The following HMGCLL1 variants were observed in gnomAD, a reference collection of about 807,000 sequenced individuals.
The protein encoded by HMGCLL1 is 3-hydroxy-3-methylglutaryl-CoA lyase like 1.
HMGCLL1 carries 36 observed loss-of-function variants against 39.1 expected under a neutral mutation model. That is an observed-to-expected ratio of 0.92 (90% CI 0.71 to 1.22). The LOEUF (loss-of-function observed/expected upper bound fraction) is 1.22. Ranked by LOEUF, HMGCLL1 falls within the 50% of genes most tolerant of loss-of-function variation. The pLI, the probability that HMGCLL1 is intolerant of heterozygous loss-of-function variation, is 0.00. For missense variants in HMGCLL1, 451 were observed against 416.5 expected (o/e 1.08, Z -0.72); for synonymous variants, 149 against 144.0 (o/e 1.03, Z -0.25).
the HMGCLL1 span, among the ~76,000 whole-genome samples, chr6:55,599,813 A>G: frequency 6.6e-6 from 1 of 152,160 alleles, no homozygotes; most frequent in Non-Finnish European, 1.5e-5. Context: ...CTTAGTGAAA[A>G]CAAATGTACT....
At chr6:55,527,637 A>G (rs1768393520) in intron 3 of HMGCLL1, among the ~76,000 whole-genome samples, 1 of 152,076 alleles carries the variant, frequency 6.6e-6, no homozygotes. Context: ...GATGACACTG[A>G]TAAGACCTCT....
chr6:55,564,372 T>C (rs1313522936), intron 1 of HMGCLL1, among the ~76,000 whole-genome samples: 1 of 152,148 alleles, frequency 6.6e-6, no homozygotes, highest in African/African-American at 2.4e-5. Flanking sequence ...CAGCATCTTT[T>C]AGGTGACTGA....
chr6:55,587,452 C>A, the HMGCLL1 span, among the ~76,000 whole-genome samples: 1 of 151,914 alleles, frequency 6.6e-6, no homozygotes, highest in African/African-American at 2.4e-5. Context: ...GGAAAATATG[C>A]CAAATTGTAA....
chr6:55,457,126 G>C (rs1295204216), intron 7 of HMGCLL1, among the ~76,000 whole-genome samples: 3 of 152,194 alleles, frequency 2.0e-5, no homozygotes, highest in African/African-American at 7.2e-5. Context: ...ACTGATCCCA[G>C]AAAAATGTAA....
the HMGCLL1 span, among the ~76,000 whole-genome samples, chr6:55,628,321 A>G: frequency 1.4e-5 from 2 of 145,538 alleles, no homozygotes; most frequent in Non-Finnish European, 3.0e-5. Flanking sequence ...TATTTTTTTG[A>G]GACAGAGTCT....
chr6:55,638,249 T>C, the HMGCLL1 span, among the ~76,000 whole-genome samples: 3 of 151,606 alleles, frequency 2.0e-5, no homozygotes, highest in Non-Finnish European at 4.4e-5. Flanking sequence ...CTACTAAAAA[T>C]ACAAAAAATT....
In HMGCLL1 at chr6:55,579,171, G is replaced by A. The variant is rs768802097; in HGVS notation, c.-116C>T. 1 of 774,920 alleles carries A rather than the reference G, an allele frequency of 1.3e-6. No individual in the cohort carries two copies. Among genetic ancestry groups the A allele is most frequent in the Non-Finnish European group, 2.2e-6 (1 of 460,250 alleles). 48.0% of individuals were successfully genotyped at this position (774,920 alleles called of 1,614,324 possible). ...AGCGCGCCCCTCCGGTGCACTGGCTGTGAGGACCAGAGCTGTTCTGCGCAC... is the reference window on the plus strand; with the variant it reads ...AGCGCGCCCCTCCGGTGCACTGGCTATGAGGACCAGAGCTGTTCTGCGCAC... On this transcript the variant is annotated 5_prime_UTR_variant, in exon 1 of 9. Transcript: ENST00000274901.
chr6:55,462,402 T>C (rs1764612042), intron 7 of HMGCLL1, among the ~76,000 whole-genome samples: 1 of 152,144 alleles, frequency 6.6e-6, no homozygotes, highest in Non-Finnish European at 1.5e-5. Flanking sequence ...TACCACATCT[T>C]AGCTGTCTCC....
At chr6:55,490,858 A>T (rs2127420201) in intron 7 of HMGCLL1, among the ~76,000 whole-genome samples, 1 of 152,084 alleles carries the variant, frequency 6.6e-6, no homozygotes, top group South Asian at 2.1e-4. Context: ...GTTGGAGATG[A>T]ACTAAAGCAA....
intron 7 of HMGCLL1, among the ~76,000 whole-genome samples, chr6:55,459,010 T>A (rs1202868636): frequency 1.3e-5 from 2 of 152,202 alleles, no homozygotes; most frequent in Non-Finnish European, 2.9e-5. Context: ...TTTTAGCTTC[T>A]TACTAGAGAG....
At chr6:55,439,114 C>T (rs1422600915) in intron 8 of HMGCLL1, among the ~76,000 whole-genome samples, 1 of 152,020 alleles carries the variant, frequency 6.6e-6, no homozygotes, top group African/African-American at 2.4e-5. Context: ...CAAAACTCAA[C>T]AATCGTAACA....
chr6:55,516,536 G>GT lies in HMGCLL1; in HGVS notation c.364dup (p.Thr122AsnfsTer3). The GT allele has an allele frequency of 6.3e-7, 1 of 1,599,452 alleles. No individual in the cohort carries two copies. Among genetic ancestry groups the GT allele is most frequent in the East Asian group, 2.2e-5 (1 of 44,756 alleles). On this transcript the variant is annotated frameshift_variant, in exon 4 of 9. Transcript: ENST00000274901. LOFTEE classifies it high-confidence loss of function. ...ATGGTGAAAACCCTGAAGATTAGGA[G>GT]TAAGGACAGGATAGCGAACTCCTGG... is the stretch of plus-strand genomic sequence containing the variant.
the HMGCLL1 span, among the ~76,000 whole-genome samples, chr6:55,677,261 A>T: frequency 6.6e-6 from 1 of 152,110 alleles, no homozygotes; most frequent in African/African-American, 2.4e-5. Flanking sequence ...ATGACGCTGC[A>T]CACCTGTGGT....
chr6:55,615,540 G>A, the HMGCLL1 span, among the ~76,000 whole-genome samples: 4 of 152,088 alleles, frequency 2.6e-5, no homozygotes, highest in Non-Finnish European at 5.9e-5. Flanking sequence ...TAATTAGGAC[G>A]GTTGGTAAGA....
chr6:55,655,934 G>C, the HMGCLL1 span, among the ~76,000 whole-genome samples: 6 of 151,842 alleles, frequency 4.0e-5, no homozygotes, highest in African/African-American at 1.4e-4. Context: ...GTCATCCCTT[G>C]ATATTTGCTG....
chr6:55,440,724 A>G (rs988402109), intron 7 of HMGCLL1, among the ~76,000 whole-genome samples: 1 of 152,104 alleles, frequency 6.6e-6, no homozygotes, highest in East Asian at 1.9e-4. Context: ...ATGTTTCTCA[A>G]TCACAGGTTA....
chr6:55,501,140 T>C (rs1274703037), intron 5 of HMGCLL1, among the ~76,000 whole-genome samples: 1 of 151,784 alleles, frequency 6.6e-6, no homozygotes, highest in African/African-American at 2.4e-5. Flanking sequence ...CATATGCTCT[T>C]CCCTATCTTG....
chr6:55,620,147 T>C, the HMGCLL1 span, among the ~76,000 whole-genome samples: 26 of 152,284 alleles, frequency 1.7e-4, no homozygotes, highest in Middle Eastern at 6.8e-3. Flanking sequence ...GCAGTAAACA[T>C]AGGAGTACAG....
chr6:55,593,341 T>G, the HMGCLL1 span, among the ~76,000 whole-genome samples: 2 of 152,160 alleles, frequency 1.3e-5, no homozygotes, highest in Non-Finnish European at 2.9e-5. Context: ...TAAAATTAGT[T>G]TTTTAGGATT....
Sources: allele counts gnomAD v4.1 joint callset (sites outside exome capture counted in the v4.1 genomes callset), GRCh38; gene constraint gnomAD v4.1.1; transcripts MANE v1.5; gene names NCBI Gene and HGNC (gene_info 2026-07-23, HGNC 2026-07-21).